CCDC7: variants seen among roughly 807,000 people sequenced by gnomAD.
The protein encoded by CCDC7 is coiled-coil domain containing 7.
CCDC7 carries 183 observed loss-of-function variants against 196.9 expected under a neutral mutation model. That is an observed-to-expected ratio of 0.93 (90% CI 0.82 to 1.05). The LOEUF (loss-of-function observed/expected upper bound fraction) is 1.05, where lower values mean the gene tolerates loss of function less well. CCDC7 is among the 50% of genes least tolerant of loss of function. CCDC7 has a pLI of 0.00. For missense variants in CCDC7, 1,540 were observed against 1,482.2 expected (o/e 1.04, Z -0.64); for synonymous variants, 525 against 484.6 (o/e 1.08, Z -1.10).
At chr10:32,703,057 TATG>T (rs1345781280) in intron 24 of CCDC7, among the ~76,000 whole-genome samples, 1 of 152,230 alleles carries the variant, frequency 6.6e-6, no homozygotes, top group Non-Finnish European at 1.5e-5. Context: ...ATCCTGTCAT[TATG>T]ATGTTAGCTG....
At chr10:32,749,529 A>G (rs1308011281) in intron 28 of CCDC7, among the ~76,000 whole-genome samples, 2 of 152,174 alleles carry the variant, frequency 1.3e-5, no homozygotes, top group Non-Finnish European at 2.9e-5. Context: ...GAGGAGAACT[A>G]TTGTCTTTAT....
chr10:32,684,957 A>ATT (rs34155403), intron 21 of CCDC7, among the ~76,000 whole-genome samples: 16 of 148,680 alleles, frequency 1.1e-4, no homozygotes, highest in African/African-American at 3.8e-4. Flanking sequence ...ATTTAATTTA[A>ATT]TTTTTTTTTT....
At chr10:32,612,665 A>G (rs532265656) in intron 18 of CCDC7, among the ~76,000 whole-genome samples, 1 of 152,260 alleles carries the variant, frequency 6.6e-6, no homozygotes, top group Admixed American at 6.5e-5. Flanking sequence ...TTCTACATCT[A>G]TTGAGATAAT....
At chr10:32,677,067 G>T (rs1260245220) in intron 21 of CCDC7, among the ~76,000 whole-genome samples, 1 of 151,442 alleles carries the variant, frequency 6.6e-6, no homozygotes, top group African/African-American at 2.5e-5. Flanking sequence ...CCTTTGTAGG[G>T]ACATGGATGA....
At chr10:32,584,615 G>A (rs1349645008) in intron 18 of CCDC7, among the ~76,000 whole-genome samples, 2 of 151,448 alleles carry the variant, frequency 1.3e-5, no homozygotes, top group Non-Finnish European at 2.9e-5. Context: ...AATTAGCTGG[G>A]TGTGGTGGTG....
intron 28 of CCDC7, among the ~76,000 whole-genome samples, chr10:32,762,020 G>T (rs11818654): frequency 0.053 from 8,061 of 151,992 alleles, 712 homozygotes; most frequent in African/African-American, 0.18. Context: ...TTGGGAAACT[G>T]AAAAAATATC....
At chr10:32,726,536 C>G (rs2083152753) in intron 25 of CCDC7, among the ~76,000 whole-genome samples, 198 bp from the exon 27 acceptor site, 1 of 151,924 alleles carries the variant, frequency 6.6e-6, no homozygotes, top group South Asian at 2.1e-4. Flanking sequence ...AATGAGACAG[C>G]TTTTGTAACA....
At chr10:32,595,198 A>G (rs2060198125) in intron 18 of CCDC7, among the ~76,000 whole-genome samples, 1 of 152,060 alleles carries the variant, frequency 6.6e-6, no homozygotes, top group Non-Finnish European at 1.5e-5. Context: ...TTGGTTGGTA[A>G]GGTATTAATT....
At chr10:32,643,730 T>A (rs2067244631) in intron 20 of CCDC7, among the ~76,000 whole-genome samples, 2 of 152,114 alleles carry the variant, frequency 1.3e-5, no homozygotes, top group Non-Finnish European at 2.9e-5. Flanking sequence ...TAAGTGCATA[T>A]AGTATATGAA....
intron 8 of CCDC7, among the ~76,000 whole-genome samples, chr10:32,490,377 C>G (rs567553856): frequency 2.0e-4 from 30 of 152,128 alleles, no homozygotes; most frequent in Admixed American, 1.8e-3. Context: ...GCTTTTTCTT[C>G]TTTCTGGGGA....
At chr10:32,699,194 G>GC (rs1278107998) in intron 24 of CCDC7, among the ~76,000 whole-genome samples, 5 of 100,910 alleles carry the variant, frequency 5.0e-5, no homozygotes, top group Admixed American at 1.3e-4. Context: ...CTTAATGCTA[G>GC]CCCTCCCCCC....
chr10:32,861,892 C>T (rs1217471435), intron 41 of CCDC7, among the ~76,000 whole-genome samples: 1 of 152,020 alleles, frequency 6.6e-6, no homozygotes, highest in African/African-American at 2.4e-5. Context: ...GTTAGAATGG[C>T]GATCATTAAA....
At chr10:32,551,085 T>C (rs1289276113) in intron 13 of CCDC7, among the ~76,000 whole-genome samples, 6 of 152,200 alleles carry the variant, frequency 3.9e-5, no homozygotes, top group African/African-American at 1.4e-4. Flanking sequence ...CTGCTTGTTA[T>C]TGGTCTGTTC....
At position 32,571,844 on chromosome 10, in the gene CCDC7, T is replaced by G. The variant is rs778129451; in HGVS notation, c.1420-15T>G. 6.5e-7 allele frequency: 1 copy of G among 1,546,532 alleles called. No homozygotes were observed. Among genetic ancestry groups the G allele is most frequent in the Non-Finnish European group, 8.7e-7 (1 of 1,152,620 alleles). On this transcript the variant is annotated splice_polypyrimidine_tract_variant and intron_variant, in intron 15 of 41. Coordinates refer to ENST00000639629, the Ensembl canonical transcript of CCDC7. Reference sequence around the variant, plus strand: ...ATACTTGATATTTTTAAATGTAGTATTATCTTTATCACAGATCACTGCCCA... The same window carrying G: ...ATACTTGATATTTTTAAATGTAGTAGTATCTTTATCACAGATCACTGCCCA...
chr10:32,558,740 C>T (rs543301364), intron 13 of CCDC7, among the ~76,000 whole-genome samples: 107 of 152,322 alleles, frequency 7.0e-4, no homozygotes, highest in Admixed American at 1.2e-3. Context: ...GCGTGAGTGA[C>T]GCAGAAGACG....
intron 32 of CCDC7, among the ~76,000 whole-genome samples, chr10:32,828,263 C>T (rs979538980): frequency 2.6e-5 from 4 of 151,888 alleles, no homozygotes; most frequent in Non-Finnish European, 5.9e-5. Flanking sequence ...CTCCTGTCTC[C>T]CTAAAATGTA....
intron 41 of CCDC7, among the ~76,000 whole-genome samples, chr10:32,873,439 A>G (rs2094499754): frequency 6.6e-6 from 1 of 151,364 alleles, no homozygotes; most frequent in African/African-American, 2.4e-5. Flanking sequence ...CATTCATCTA[A>G]TTTTTTTTCA....
chr10:32,870,087 TG>T (rs1472611486), intron 41 of CCDC7, among the ~76,000 whole-genome samples: 1 of 152,148 alleles, frequency 6.6e-6, no homozygotes, highest in Non-Finnish European at 1.5e-5. Flanking sequence ...GGCTCTTTTT[TG>T]GTGCCATATG....
At chr10:32,871,030 C>T (rs868754668) in intron 41 of CCDC7, among the ~76,000 whole-genome samples, 27 of 152,280 alleles carry the variant, frequency 1.8e-4, no homozygotes, top group Middle Eastern at 6.8e-3. Flanking sequence ...CATGAATGTT[C>T]ATCAGGGATA....
Sources: allele counts gnomAD v4.1 joint callset (sites outside exome capture counted in the v4.1 genomes callset), GRCh38; gene constraint gnomAD v4.1.1; transcripts MANE v1.5; gene names NCBI Gene and HGNC (gene_info 2026-07-23, HGNC 2026-07-21).